HVCN1: variants seen among roughly 807,000 people sequenced by gnomAD.
The protein encoded by HVCN1 is hydrogen voltage gated channel 1.
A neutral mutation model predicts 29.2 loss-of-function variants in HVCN1; 14 were observed. The ratio of observed to expected loss-of-function variants is 0.48; its 90% CI spans 0.32 to 0.75. HVCN1 has a LOEUF of 0.75. HVCN1 is among the 30% of genes least tolerant of loss of function. The pLI, the probability that HVCN1 is intolerant of heterozygous loss-of-function variation, is 0.04. For synonymous variants in HVCN1, 131 were observed against 133.2 expected (o/e 0.98, Z 0.11); for missense variants, 263 against 341.8 (o/e 0.77, Z 1.82).
intron 2 of HVCN1, 35 bp from the exon 3 acceptor site, chr12:110,683,299 A>T: frequency 6.3e-7 from 1 of 1,579,552 alleles, no homozygotes; most frequent in South Asian, 1.2e-5. Context: ...CAGATCTATC[A>T]TCTTGCTGCC....
chr12:110,672,596 T>C (rs1035931671), intron 3 of HVCN1, among the ~76,000 whole-genome samples: 10 of 152,126 alleles, frequency 6.6e-5, no homozygotes, highest in Non-Finnish European at 1.3e-4. Context: ...TCTAATAGGT[T>C]TGGCTGATAC....
chr12:110,667,320 G>C (rs1276210320), intron 3 of HVCN1, among the ~76,000 whole-genome samples: 1 of 152,172 alleles, frequency 6.6e-6, no homozygotes, highest in African/African-American at 2.4e-5. Flanking sequence ...TTTTAGTAGA[G>C]ACAGGGTTTC....
intron 2 of HVCN1, among the ~76,000 whole-genome samples, chr12:110,699,185 A>ATTTGCTGGGC (rs1296945935): frequency 1.6e-4 from 24 of 152,106 alleles, no homozygotes; most frequent in South Asian, 4.1e-4. Flanking sequence ...CTTTGCTGGG[A>ATTTGCTGGGC]TTTGCTGGGC....
chr12:110,663,190 T>C (rs1484973347), intron 3 of HVCN1, among the ~76,000 whole-genome samples: 4 of 152,138 alleles, frequency 2.6e-5, no homozygotes, highest in Non-Finnish European at 5.9e-5. Context: ...TCTTGTCAAG[T>C]TGAAGTGGTG....
intron 4 of HVCN1, among the ~76,000 whole-genome samples, chr12:110,657,137 T>G (rs958399709): frequency 6.6e-6 from 1 of 152,180 alleles, no homozygotes; most frequent in Non-Finnish European, 1.5e-5. Flanking sequence ...AGGTTCACAG[T>G]TGCCCAGGGC....
At chr12:110,699,979 G>C (rs1393311137) in intron 2 of HVCN1, among the ~76,000 whole-genome samples, 1 of 152,194 alleles carries the variant, frequency 6.6e-6, no homozygotes, top group Non-Finnish European at 1.5e-5. Flanking sequence ...TGGTCCAAGA[G>C]GGCAGCATCT....
intron 3 of HVCN1, chr12:110,682,988 C>T (rs542185533): frequency 1.9e-5 from 9 of 466,696 alleles, no homozygotes; most frequent in South Asian, 1.3e-4. Flanking sequence ...CAAAAAAAAC[C>T]GCACATAGTT....
intron 5 of HVCN1, among the ~76,000 whole-genome samples, chr12:110,654,623 C>T (rs1434464066): frequency 2.0e-5 from 3 of 151,992 alleles, no homozygotes; most frequent in Admixed American, 1.3e-4. Context: ...GGATTACAGG[C>T]GCATGCCACC....
Sources: allele counts gnomAD v4.1 joint callset (sites outside exome capture counted in the v4.1 genomes callset), GRCh38; gene constraint gnomAD v4.1.1; transcripts MANE v1.5; gene names NCBI Gene and HGNC (gene_info 2026-07-23, HGNC 2026-07-21).